The following PLSCR2 variants were observed in gnomAD, a reference collection of about 807,000 sequenced individuals.
PLSCR2 encodes phospholipid scramblase 2.
In PLSCR2, 18 loss-of-function variants were observed where a neutral mutation model predicts 25.3. The observed-to-expected ratio is 0.71, with a 90% confidence interval of 0.49 to 1.06. The LOEUF (loss-of-function observed/expected upper bound fraction) is 1.06. PLSCR2 is among the 50% of genes least tolerant of loss of function. The pLI, the probability that PLSCR2 is intolerant of heterozygous loss-of-function variation, is 0.00. For missense variants in PLSCR2, 243 were observed against 269.5 expected (o/e 0.90, Z 0.69); for synonymous variants, 88 against 87.3 (o/e 1.01, Z -0.04).
chr3:146,438,622 G>A (rs1482740909), downstream of PLSCR2, among the ~76,000 whole-genome samples: 1 of 151,866 alleles, frequency 6.6e-6, no homozygotes, highest in Non-Finnish European at 1.5e-5. Flanking sequence ...TTTTCCATTT[G>A]CTTGGTAGAT....
chr3:146,394,256 ATTTCT>A (rs200686563), intron 3 of PLSCR2, among the ~76,000 whole-genome samples: 38 of 151,630 alleles, frequency 2.5e-4, no homozygotes, highest in African/African-American at 6.3e-4. Flanking sequence ...CAATTTAACA[ATTTCT>A]TTTCTTTTCT....
intron 1 of PLSCR2, among the ~76,000 whole-genome samples, chr3:146,466,321 C>A (rs1203648743): frequency 7.9e-5 from 12 of 152,248 alleles, no homozygotes. Flanking sequence ...CAGGCATATG[C>A]CCCCACACCT....
intron 6 of PLSCR2, among the ~76,000 whole-genome samples, chr3:146,448,118 T>C (rs2040671121): frequency 6.6e-6 from 1 of 152,172 alleles, no homozygotes; most frequent in African/African-American, 2.4e-5. Context: ...AGTGCCTCTT[T>C]TTTTAATGTG....
chr3:146,458,300 G>C, intron 3 of PLSCR2, 111 bp downstream of exon 3: 1 of 903,832 alleles, frequency 1.1e-6, no homozygotes, highest in Non-Finnish European at 1.6e-6. Flanking sequence ...TAAATAGTCA[G>C]TTTTACCATC....
Position 146,423,277 on chromosome 3 carries a change from CT to C in PLSCR2, c.101-27357del, listed in dbSNP as rs1559981813. ...TCTCTCTCTCTCTCTCTCTCTCTCT[CT>C]CTCTCCCTGGCTAGATTCTCACAAG... On this transcript the variant is annotated intron_variant and NMD_transcript_variant, in intron 2 of 3. Transcript: ENST00000463633. Among the ~76,000 whole-genome samples, 198 of 133,636 alleles carry C rather than the reference CT, an allele frequency of 1.5e-3. 12 individuals carry two copies. The highest frequency in any genetic ancestry group is 6.9e-3 in the South Asian group (29 of 4,232). The allele number at this position is 133,636 out of a possible 152,430, so 87.7% of individuals were successfully genotyped here. A position where few individuals can be genotyped will look rare whatever the true frequency, so the allele number is the denominator to read the frequency against.
chr3:146,449,223 C>T, exon 6 of PLSCR2: 6 of 1,611,912 alleles, frequency 3.7e-6, no homozygotes, highest in Non-Finnish European at 5.1e-6. Flanking sequence ...AAACAGGCAC[C>T]AATCATCACG....
intron 1 of PLSCR2, among the ~76,000 whole-genome samples, chr3:146,486,980 C>T (rs866673818): frequency 6.6e-6 from 1 of 152,186 alleles, no homozygotes; most frequent in Non-Finnish European, 1.5e-5. Context: ...ATCAAGTCAG[C>T]TTCATACCCG....
Position 146,404,821 on chromosome 3 carries a change from A to AAGGG in PLSCR2, c.101-8901_101-8900insCCCT, listed in dbSNP as rs71158238. ...AGGAAGAAATAGGCAAAAAAAAAAA[A>AAGGG]GGGGGGGGGTGGTGGTTAACTGGTC... is the stretch of plus-strand genomic sequence containing the variant. On this transcript the variant is annotated intron_variant and NMD_transcript_variant, in intron 2 of 3. Coordinates refer to the PLSCR2 transcript ENST00000463633. 3.1e-4 allele frequency among the ~76,000 whole-genome samples: 39 copies of AAGGG among 124,742 alleles called. 1 individual carries two copies. The highest frequency in any genetic ancestry group is 6.0e-4 in the South Asian group (2 of 3,320). 81.8% of individuals were successfully genotyped at this position (124,742 alleles called of 152,430 possible). A position where few individuals can be genotyped will look rare whatever the true frequency, so the allele number is the denominator to read the frequency against.
At chr3:146,491,948 A>G (rs895373679) in intron 1 of PLSCR2, among the ~76,000 whole-genome samples, 3 of 152,146 alleles carry the variant, frequency 2.0e-5, no homozygotes, top group Non-Finnish European at 4.4e-5. Context: ...TCTTTTCCTC[A>G]TCTGTGTGGA....
At chr3:146,440,367 CCAGAGGTGGAGTCTA>C (rs1193476015), downstream of PLSCR2, among the ~76,000 whole-genome samples, 1 of 152,218 alleles carries the variant, frequency 6.6e-6, no homozygotes, top group Non-Finnish European at 1.5e-5. Flanking sequence ...TTCCCTGCTT[CCAGAGGTGGAGTCTA>C]CAGAGGCAGA....
intron 5 of PLSCR2, among the ~76,000 whole-genome samples, 175 bp from the exon 6 acceptor site, chr3:146,449,542 TAAA>T (rs1183663894): frequency 6.6e-6 from 1 of 152,068 alleles, no homozygotes; most frequent in East Asian, 1.9e-4. Context: ...TATAGATACA[TAAA>T]AAACTGTTCT....
chr3:146,435,277 G>T (rs2108160380), intron 8 of PLSCR2, among the ~76,000 whole-genome samples: 2 of 152,230 alleles, frequency 1.3e-5, no homozygotes, highest in East Asian at 3.9e-4. Context: ...AATCCTTTGG[G>T]TATATACCCA....
chr3:146,490,377 T>A (rs142428741), intron 1 of PLSCR2, among the ~76,000 whole-genome samples: 18 of 152,248 alleles, frequency 1.2e-4, no homozygotes, highest in Admixed American at 8.5e-4. Flanking sequence ...AACTCTGCCA[T>A]GAGAATACTT....
intron 5 of PLSCR2, among the ~76,000 whole-genome samples, chr3:146,450,581 T>G (rs2040832118): frequency 6.6e-6 from 1 of 152,220 alleles, no homozygotes; most frequent in African/African-American, 2.4e-5. Context: ...TATGGGTAAG[T>G]GGTTTGCTCT....
intron 1 of PLSCR2, among the ~76,000 whole-genome samples, chr3:146,479,527 A>G: frequency 6.6e-6 from 1 of 152,248 alleles, no homozygotes; most frequent in Non-Finnish European, 1.5e-5. Flanking sequence ...GGATCAATTC[A>G]ACAAGAAGAG....
chr3:146,465,954 T>C (rs913816904), intron 1 of PLSCR2, among the ~76,000 whole-genome samples: 3 of 152,178 alleles, frequency 2.0e-5, no homozygotes, highest in East Asian at 3.9e-4. Flanking sequence ...TTTTTACACA[T>C]GTGTGGGGCA....
chr3:146,407,063 A>G (rs190573130), intron 2 of PLSCR2, among the ~76,000 whole-genome samples: 1 of 152,332 alleles, frequency 6.6e-6, no homozygotes, highest in African/African-American at 2.4e-5. Context: ...TAAGGGGTGT[A>G]TCTTATTCTA....
chr3:146,446,181 T>C (rs1294735945), intron 6 of PLSCR2, among the ~76,000 whole-genome samples: 1 of 152,180 alleles, frequency 6.6e-6, no homozygotes, highest in Non-Finnish European at 1.5e-5. Context: ...GGTGAGGTCA[T>C]GTTTTCCTGG....
chr3:146,482,338 C>T (rs2043159218), intron 1 of PLSCR2, among the ~76,000 whole-genome samples: 1 of 152,134 alleles, frequency 6.6e-6, no homozygotes, highest in Admixed American at 6.5e-5. Context: ...TGACAAAGGG[C>T]TGATATCCAG....
Sources: allele counts gnomAD v4.1 joint callset (sites outside exome capture counted in the v4.1 genomes callset), GRCh38; gene constraint gnomAD v4.1.1; transcripts MANE v1.5; gene names NCBI Gene and HGNC (gene_info 2026-07-23, HGNC 2026-07-21).